Variants in BTRC observed in about 807,000 individuals in gnomAD.
BTRC encodes beta-transducin repeat containing E3 ubiquitin protein ligase.
In BTRC, 42 loss-of-function variants were observed where a neutral mutation model predicts 85.5. The ratio of observed to expected loss-of-function variants is 0.49; its 90% confidence interval spans 0.38 to 0.64. BTRC has a LOEUF of 0.64. Among genes scored for constraint, BTRC ranks in the 30% least tolerant of loss-of-function variants. The pLI is 0.00. For missense variants in BTRC, 594 were observed against 743.5 expected, an observed-to-expected ratio of 0.80 and a Z score of 2.34; for synonymous variants, 255 against 263.3, an observed-to-expected ratio of 0.97 and a Z score of 0.30.
Position 101,452,985 on chromosome 10 carries a change from A to G in BTRC, c.157-8996A>G, listed in dbSNP as rs143486638. ...TTGTATCCTAAAAGGATTAATTAAAATTTGTTTAAACACACACACAGTGTT... is the reference window on the plus strand; with the variant it reads ...TTGTATCCTAAAAGGATTAATTAAAGTTTGTTTAAACACACACACAGTGTT... On this transcript the variant is annotated intron_variant, in intron 2 of 14. Coordinates refer to ENST00000370187, the MANE Select transcript of BTRC (RefSeq NM_033637.4). 2.4e-3 allele frequency among the ~76,000 whole-genome samples: 362 copies of G among 152,270 alleles called. 6 individuals carry two copies. Among genetic ancestry groups the G allele is most frequent in the Middle Eastern group, 0.014 (4 of 294 alleles).
intron 1 of BTRC, among the ~76,000 whole-genome samples, chr10:101,373,233 C>T (rs1208929687): frequency 2.0e-5 from 3 of 152,118 alleles, no homozygotes; most frequent in African/African-American, 7.2e-5. Flanking sequence ...ATCTGATTCC[C>T]ACTGGGAGCA....
At chr10:101,371,571 T>G (rs1942636862) in intron 1 of BTRC, among the ~76,000 whole-genome samples, 1 of 152,264 alleles carries the variant, frequency 6.6e-6, no homozygotes, top group Non-Finnish European at 1.5e-5. Context: ...TTATTTTACT[T>G]GATGTCCTCA....
rs71016314 is a variant in BTRC, at chr10:101,381,962, C to CTTTTT, written c.48+27768_48+27772dup. On this transcript the variant is annotated intron_variant, in intron 1 of 14. Coordinates refer to ENST00000370187, the MANE Select transcript of BTRC (RefSeq NM_033637.4). ...GAACCCCTAGTTATCCTAAGAATGT[C>CTTTTT]TTTTTTTTTTTTTTTTTTTTTTTTT... Among the ~76,000 whole-genome samples the CTTTTT allele has an allele frequency of 4.1e-5, 2 of 49,104 alleles. 1 individual carries two copies. The highest frequency in any genetic ancestry group is 2.2e-4 in the African/African-American group (2 of 8,950). 32.2% of individuals were successfully genotyped at this position (49,104 alleles called of 152,430 possible).
intron 3 of BTRC, among the ~76,000 whole-genome samples, chr10:101,466,701 TGCAC>T (rs1333013897): frequency 2.0e-4 from 31 of 152,220 alleles, no homozygotes; most frequent in Non-Finnish European, 2.9e-5. Context: ...TTCAACACCT[TGCAC>T]GCTGCTGGAA....
intron 1 of BTRC, among the ~76,000 whole-genome samples, chr10:101,417,172 A>T (rs1398645234): frequency 2.0e-5 from 3 of 152,190 alleles, no homozygotes; most frequent in Non-Finnish European, 4.4e-5. Flanking sequence ...TTGTCATCTA[A>T]TCCACAGATC....
At position 101,366,630 on chromosome 10, in the gene BTRC, A is replaced by G. The variant is rs561267423; in HGVS notation, c.48+12402A>G. Among the ~76,000 whole-genome samples the G allele has an allele frequency of 1.3e-4, 20 of 150,016 alleles. No individual in the cohort carries two copies. In the East Asian group the frequency reaches 1.8e-3, roughly 13 times the overall value. ...GAGGTGGGCAATTCCAAGAATAGGA[A>G]GTAACTTGGGTAAAGGCCAGGAGAT... On this transcript the variant is annotated intron_variant, in intron 1 of 14. Coordinates refer to ENST00000370187, the MANE Select transcript of BTRC (RefSeq NM_033637.4).
chr10:101,392,928 T>G (rs1453054094), intron 1 of BTRC, among the ~76,000 whole-genome samples: 2 of 152,200 alleles, frequency 1.3e-5, no homozygotes, highest in Admixed American at 6.5e-5. Flanking sequence ...TGGTCTTTTG[T>G]TAATAATGTT....
intron 1 of BTRC, among the ~76,000 whole-genome samples, chr10:101,388,631 G>A (rs1310953440): frequency 2.0e-5 from 3 of 151,930 alleles, no homozygotes; most frequent in Admixed American, 6.6e-5. Flanking sequence ...CTGGGACTAC[G>A]GGTGCCCACC....
In BTRC at chr10:101,434,686, C is replaced by T. The variant is rs1944481635; in HGVS notation, c.156+4234C>T. On this transcript the variant is annotated intron_variant, in intron 2 of 14. Coordinates refer to ENST00000370187, the MANE Select transcript of BTRC (RefSeq NM_033637.4). ...GTGCATGCCTGTAGTCCCAGCTACT[C>T]AGGAAGCTGAGGCGGGAGGATTGCT... Among the ~76,000 whole-genome samples, 3 of 151,996 alleles carry T rather than the reference C, an allele frequency of 2.0e-5. No individual in the cohort carries two copies. The South Asian group carries it at 6.2e-4, about 32-fold the overall frequency.
intron 1 of BTRC, among the ~76,000 whole-genome samples, chr10:101,421,563 C>T (rs1264272276): frequency 6.6e-6 from 1 of 150,970 alleles, no homozygotes; most frequent in Non-Finnish European, 1.5e-5. Flanking sequence ...GTGTGCTGCA[C>T]CCATTAACTC....
chr10:101,532,861 A>G (rs2062320343), intron 8 of BTRC, 91 bp from the exon 9 acceptor site: 1 of 1,064,192 alleles, frequency 9.4e-7, no homozygotes, highest in African/African-American at 1.6e-5. Context: ...GGCTTTGATT[A>G]TTTTGGGGGA....
intron 13 of BTRC, among the ~76,000 whole-genome samples, chr10:101,546,467 A>G (rs1027805716): frequency 9.2e-5 from 14 of 152,086 alleles, no homozygotes; most frequent in Admixed American, 8.5e-4. Context: ...TTTATGGGGA[A>G]CATGTGATGT....
At chr10:101,355,908 TGAA>T (rs1308595953) in intron 1 of BTRC, among the ~76,000 whole-genome samples, 1 of 152,220 alleles carries the variant, frequency 6.6e-6, no homozygotes, top group Non-Finnish European at 1.5e-5. Flanking sequence ...ATTCTAAATA[TGAA>T]GAAGAGACCT....
intron 6 of BTRC, among the ~76,000 whole-genome samples, chr10:101,530,092 G>A (rs2062257610): frequency 1.3e-5 from 2 of 152,050 alleles, no homozygotes; most frequent in South Asian, 4.1e-4. Flanking sequence ...GATCTAGCTT[G>A]GGATACGAGT....
At chr10:101,418,621 C>CTT (rs143127569) in intron 1 of BTRC, among the ~76,000 whole-genome samples, 3 of 150,506 alleles carry the variant, frequency 2.0e-5, no homozygotes, top group South Asian at 2.1e-4. Context: ...CTCACATCTG[C>CTT]TTTTTTTTTG....
chr10:101,430,992 C>T (rs1194231258), intron 2 of BTRC, among the ~76,000 whole-genome samples: 1 of 149,632 alleles, frequency 6.7e-6, no homozygotes, highest in Non-Finnish European at 1.5e-5. Context: ...CCTTTGAGAC[C>T]TTTAGGTACA....
chr10:101,481,135 G>C (rs1260373910), intron 4 of BTRC, among the ~76,000 whole-genome samples: 2 of 152,064 alleles, frequency 1.3e-5, no homozygotes, highest in South Asian at 4.1e-4. Context: ...GTAGAGATGA[G>C]GTGTCGCTGT....
chr10:101,399,577 A>G (rs1464303672), intron 1 of BTRC, among the ~76,000 whole-genome samples: 1 of 152,206 alleles, frequency 6.6e-6, no homozygotes, highest in Non-Finnish European at 1.5e-5. Flanking sequence ...GAATGTCACA[A>G]TGCAAGGATG....
intron 1 of BTRC, among the ~76,000 whole-genome samples, chr10:101,416,587 G>A (rs923202016): frequency 1.4e-4 from 21 of 151,954 alleles, no homozygotes; most frequent in Non-Finnish European, 5.9e-5. Context: ...TTTTACCAGG[G>A]TACCTTGTCC....
Sources: allele counts gnomAD v4.1 joint callset (sites outside exome capture counted in the v4.1 genomes callset), GRCh38; gene constraint gnomAD v4.1.1; transcripts MANE v1.5; gene names NCBI Gene and HGNC (gene_info 2026-07-23, HGNC 2026-07-21).